NECTIN3: variants seen among roughly 807,000 people sequenced by gnomAD.
NECTIN3 encodes the protein nectin-3.
Under a neutral mutation model 49.4 loss-of-function variants are expected in NECTIN3, and 8 were observed. The ratio of observed to expected loss-of-function variants is 0.16; its 90% CI spans 0.10 to 0.29. The LOEUF (loss-of-function observed/expected upper bound fraction) is 0.29, where lower values mean the gene tolerates loss of function less well. Ranked by LOEUF, NECTIN3 falls within the 10% of genes least tolerant of loss-of-function variation. The pLI, the probability that NECTIN3 is intolerant of heterozygous loss-of-function variation, is 1.00. For missense variants in NECTIN3, 581 were observed against 654.6 expected, an observed-to-expected ratio of 0.89 and a Z score of 1.23; for synonymous variants, 277 against 241.1, an observed-to-expected ratio of 1.15 and a Z score of -1.38.
At chr3:111,102,809 C>T (rs2032979418) in intron 1 of NECTIN3, among the ~76,000 whole-genome samples, 1 of 151,946 alleles carries the variant, frequency 6.6e-6, no homozygotes, top group Non-Finnish European at 1.5e-5. Flanking sequence ...TTATCTATTT[C>T]AAGTTAATTT....
intron 7 of NECTIN3, among the ~76,000 whole-genome samples, chr3:111,153,302 G>A (rs774728120): frequency 2.0e-5 from 3 of 151,822 alleles, no homozygotes; most frequent in Admixed American, 6.6e-5. Flanking sequence ...ATAAAATAAT[G>A]ATTTATAAAC....
chr3:111,086,160 G>A (rs1345801943), intron 1 of NECTIN3, among the ~76,000 whole-genome samples: 3 of 151,788 alleles, frequency 2.0e-5, no homozygotes, highest in Non-Finnish European at 2.9e-5. Flanking sequence ...CTTTTTATGG[G>A]TTCCTAGGAA....
Position 111,071,951 on chromosome 3 carries a change from G to A in NECTIN3, c.-67G>A. On this transcript the variant is annotated 5_prime_UTR_variant, in exon 1 of 6. Transcript: ENST00000485303. ...GGACCTTCCACAGCCTCCGCCCAGAGCCTGAGGCGCCGGGGCCGGGGGAGC... is the reference window on the plus strand; with the variant it reads ...GGACCTTCCACAGCCTCCGCCCAGAACCTGAGGCGCCGGGGCCGGGGGAGC... The A allele has an allele frequency of 1.6e-6, 2 of 1,231,138 alleles. No individual in the cohort carries two copies. The highest frequency in any genetic ancestry group is 3.7e-5 in the Admixed American group (1 of 26,994). 76.3% of individuals were successfully genotyped at this position (1,231,138 alleles called of 1,614,324 possible). A position where few individuals can be genotyped will look rare whatever the true frequency, so the allele number is the denominator to read the frequency against.
At chr3:111,126,104 T>TA (rs1346783235) in intron 4 of NECTIN3, 80 bp from the exon 5 acceptor site, 31 of 1,004,772 alleles carry the variant, frequency 3.1e-5, no homozygotes, top group Non-Finnish European at 2.4e-5. Flanking sequence ...ATCTCAAACA[T>TA]ATAATGCCTC....
chr3:111,072,443 C>T (rs1285950541), intron 1 of NECTIN3: 5 of 1,534,398 alleles, frequency 3.3e-6, no homozygotes, highest in Non-Finnish European at 3.5e-6. Flanking sequence ...GGCGATGGTG[C>T]TTCGTGCGCC....
At chr3:111,169,246 C>T (rs969076629) in intron 7 of NECTIN3, among the ~76,000 whole-genome samples, 2 of 151,518 alleles carry the variant, frequency 1.3e-5, no homozygotes, top group African/African-American at 4.8e-5. Flanking sequence ...CCTGCCACCA[C>T]GCCTGGCTAA....
chr3:111,160,923 C>A (rs1202568960), intron 7 of NECTIN3, among the ~76,000 whole-genome samples: 1 of 152,122 alleles, frequency 6.6e-6, no homozygotes, highest in African/African-American at 2.4e-5. Context: ...AGGAGAATGG[C>A]GTGAACCCAG....
chr3:111,184,954 C>T (rs934738666), intron 7 of NECTIN3, among the ~76,000 whole-genome samples: 5 of 152,308 alleles, frequency 3.3e-5, no homozygotes, highest in South Asian at 4.1e-4. Flanking sequence ...CTCACATGTT[C>T]AGTGAGGATT....
intron 7 of NECTIN3, among the ~76,000 whole-genome samples, chr3:111,179,890 C>CAA (rs10715848): frequency 1.7e-5 from 2 of 116,976 alleles, no homozygotes; most frequent in Non-Finnish European, 2.0e-5. Context: ...GACTCTGTCT[C>CAA]AAAAAAAAAA....
At chr3:111,089,040 T>C (rs1391371201) in intron 1 of NECTIN3, among the ~76,000 whole-genome samples, 1 of 152,136 alleles carries the variant, frequency 6.6e-6, no homozygotes. Flanking sequence ...AGCATTTTTG[T>C]GGGAATTTGT....
At chr3:111,115,045 G>T (rs748969323) in intron 2 of NECTIN3, among the ~76,000 whole-genome samples, 1 of 152,084 alleles carries the variant, frequency 6.6e-6, no homozygotes, top group Non-Finnish European at 1.5e-5. Context: ...AAATTTGGGG[G>T]CAGAATTCTT....
Position 111,193,402 on chromosome 3 carries a change from G to A in NECTIN3, c.63+989G>A, listed in dbSNP as rs774569592. 17 of 1,523,986 alleles carry A rather than the reference G, an allele frequency of 1.1e-5. 1 individual carries two copies. In the South Asian group the frequency reaches 1.3e-4, roughly 12 times the overall value. 94.4% of individuals were successfully genotyped at this position (1,523,986 alleles called of 1,614,324 possible). Reference sequence around the variant, plus strand: ...TGATTTTTCTCTTTTTCCAATGGGCGTTCTAACAAATGTTTATTCTTAGAT... The same window carrying A: ...TGATTTTTCTCTTTTTCCAATGGGCATTCTAACAAATGTTTATTCTTAGAT... On this transcript the variant is annotated intron_variant, in intron 1 of 1. Coordinates refer to the NECTIN3 transcript ENST00000485506.
rs79456482 is a variant in NECTIN3, at chr3:111,144,420, C to T, written c.1001-479C>T. 1.7e-4 allele frequency among the ~76,000 whole-genome samples: 25 copies of T among 149,834 alleles called. No individual in the cohort carries two copies. The East Asian group carries it at 4.6e-3, about 28-fold the overall frequency. ...TTTCAAATTTTACAGTGTCCAATGT[C>T]AATTTTTTTTGATCTGGGATATTTT... On this transcript the variant is annotated intron_variant, in intron 5 of 8. Coordinates refer to the NECTIN3 transcript ENST00000493615.
intron 1 of NECTIN3, among the ~76,000 whole-genome samples, chr3:111,110,743 A>T (rs1339863085): frequency 6.6e-6 from 1 of 152,062 alleles, no homozygotes; most frequent in Non-Finnish European, 1.5e-5. Context: ...TGGTTAAAAA[A>T]CTGAAACTTA....
chr3:111,156,654 T>G (rs2035104118), intron 7 of NECTIN3, among the ~76,000 whole-genome samples: 1 of 152,218 alleles, frequency 6.6e-6, no homozygotes, highest in African/African-American at 2.4e-5. Flanking sequence ...CTTATGAGAA[T>G]GGGTATCTTT....
chr3:111,151,880 T>A (rs2035006533), intron 7 of NECTIN3, among the ~76,000 whole-genome samples: 1 of 151,782 alleles, frequency 6.6e-6, no homozygotes, highest in Non-Finnish European at 1.5e-5. Flanking sequence ...CTATTTACCC[T>A]ACCCCCATCT....
At chr3:111,177,799 A>C (rs917675137) in intron 7 of NECTIN3, among the ~76,000 whole-genome samples, 2 of 152,172 alleles carry the variant, frequency 1.3e-5, no homozygotes, top group African/African-American at 4.8e-5. Flanking sequence ...AGTTATGGAA[A>C]ACAGTGCATA....
chr3:111,176,063 C>A (rs1490757286), intron 7 of NECTIN3, among the ~76,000 whole-genome samples: 1 of 152,024 alleles, frequency 6.6e-6, no homozygotes, highest in East Asian at 1.9e-4. Context: ...AGTAGATGGC[C>A]TGTTATTTGT....
Position 111,071,979 on chromosome 3 carries a change from G to C in NECTIN3, c.-39G>C. 1.4e-6 allele frequency: 2 copies of C among 1,387,220 alleles called. No homozygotes were observed. The highest frequency in any genetic ancestry group is 1.9e-6 in the Non-Finnish European group (2 of 1,062,626). The allele number at this position is 1,387,220 out of a possible 1,614,324, so 85.9% of individuals were successfully genotyped here. A position where few individuals can be genotyped will look rare whatever the true frequency, so the allele number is the denominator to read the frequency against. ...TGAGGCGCCGGGGCCGGGGGAGCCG[G>C]GGGGCGGGCGGGCGAGCGGGCCGGG... On this transcript the variant is annotated 5_prime_UTR_variant, in exon 1 of 6. Coordinates refer to ENST00000485303, the MANE Select transcript of NECTIN3 (RefSeq NM_015480.3).
Sources: gnomAD v4.1 joint callset for allele counts (sites outside exome capture counted in the v4.1 genomes callset) on GRCh38, gnomAD v4.1.1 for gene constraint, MANE v1.5 for transcripts, NCBI Gene and HGNC (gene_info 2026-07-23, HGNC 2026-07-21) for gene names.